GNG7: variants seen among roughly 807,000 people sequenced by gnomAD.
GNG7 encodes G protein subunit gamma 7.
In GNG7, 1 loss-of-function variant was observed where a neutral mutation model predicts 4.0. The ratio of observed to expected loss-of-function variants is 0.25; its 90% CI spans 0.09 to 1.18. The LOEUF is 1.18. GNG7 is among the 50% of genes most tolerant of loss of function. The probability of loss-of-function intolerance (pLI) is 0.50; values close to 1 mark genes in which losing one functional copy is unlikely to be tolerated. For synonymous variants in GNG7, 34 were observed against 36.9 expected, an observed-to-expected ratio of 0.92 and a Z score of 0.29; for missense variants, 86 against 91.9, an observed-to-expected ratio of 0.94 and a Z score of 0.26.
At chr19:2,526,704 G>C (rs1363750708) in intron 3 of GNG7, among the ~76,000 whole-genome samples, 1 of 148,974 alleles carries the variant, frequency 6.7e-6, no homozygotes, top group Non-Finnish European at 1.5e-5. Context: ...TAATTATATA[G>C]TTTGATTTCT....
At chr19:2,672,446 AT>A (rs200691268) in intron 1 of GNG7, among the ~76,000 whole-genome samples, 36,431 of 144,492 alleles carry the variant, frequency 0.25, 4,918 homozygotes, top group East Asian at 0.53. Context: ...GTGACGCCCG[AT>A]TTTTTTTTTT....
At position 2,525,971 on chromosome 19, in the gene GNG7, A is replaced by ATTTTT. The variant is rs35639922; in HGVS notation, c.-37-5251_-37-5247dup. On this transcript the variant is annotated intron_variant, in intron 3 of 4. Transcript: ENST00000382159. Reference sequence around the variant, plus strand: ...ATTACAGGTGCCTGCCTCCACGCCAATTTTTTTTTTTTTTTTTGAGACAGA... The same window carrying ATTTTT: ...ATTACAGGTGCCTGCCTCCACGCCAATTTTTTTTTTTTTTTTTTTTTTGAGACAGA... Among the ~76,000 whole-genome samples the ATTTTT allele has an allele frequency of 2.9e-3, 222 of 75,666 alleles. 32 individuals carry two copies. Among genetic ancestry groups the ATTTTT allele is most frequent in the Non-Finnish European group, 3.8e-3 (164 of 43,514 alleles). The allele number at this position is 75,666 out of a possible 152,430, so 49.6% of individuals were successfully genotyped here.
Position 2,512,917 on chromosome 19 carries a change from A to T in GNG7, c.*2105T>A. ...GCGTGGTGGGGACGCCCACACCCCA[A>T]ACCCTGCCGGCTCCCAGCCCAACCA... On this transcript the variant is annotated 3_prime_UTR_variant, in exon 5 of 5. Coordinates refer to ENST00000382159, the MANE Select transcript of GNG7 (RefSeq NM_052847.3). This position sits in a 1 kb window ranked among gnomAD's most constrained non-coding sequence, Gnocchi z 4.7. The T allele has an allele frequency of 1.0e-6, 1 of 985,424 alleles. No homozygotes were observed. The highest frequency in any genetic ancestry group is 1.7e-5 in the African/African-American group (1 of 57,366). The allele number at this position is 985,424 out of a possible 1,614,324, so 61.0% of individuals were successfully genotyped here. A position where few individuals can be genotyped will look rare whatever the true frequency, so the allele number is the denominator to read the frequency against.
At chr19:2,690,984 C>T (rs529667558) in intron 1 of GNG7, among the ~76,000 whole-genome samples, 12 of 152,250 alleles carry the variant, frequency 7.9e-5, no homozygotes, top group Admixed American at 2.6e-4. Flanking sequence ...CAAGAGTAAA[C>T]TCCAATAGAG....
chr19:2,532,457 T>G (rs1446437792), intron 3 of GNG7, among the ~76,000 whole-genome samples: 1 of 152,060 alleles, frequency 6.6e-6, no homozygotes, highest in Non-Finnish European at 1.5e-5. Context: ...GGAAAGAAAC[T>G]ACAGAAGAAA....
intron 1 of GNG7, among the ~76,000 whole-genome samples, chr19:2,658,277 T>C (rs1465303696): frequency 6.6e-6 from 1 of 152,178 alleles, no homozygotes; most frequent in Non-Finnish European, 1.5e-5. Context: ...GCAAATTTTT[T>C]CTGCAAAGGG....
intron 1 of GNG7, among the ~76,000 whole-genome samples, chr19:2,669,432 G>T (rs756763618): frequency 6.6e-6 from 1 of 152,210 alleles, no homozygotes; most frequent in African/African-American, 2.4e-5. Flanking sequence ...AGAGGTTGCA[G>T]TGAGCCGGGA....
rs1417644683 is a variant in GNG7, at chr19:2,557,227, A to G, written c.-77-2039T>C. Among the ~76,000 whole-genome samples, 1 of 150,706 alleles carries G rather than the reference A, an allele frequency of 6.6e-6. No individual in the cohort carries two copies. Among genetic ancestry groups the G allele is most frequent in the Non-Finnish European group, 1.5e-5 (1 of 67,924 alleles). On this transcript the variant is annotated intron_variant, in intron 2 of 4. Transcript: ENST00000382159. The surrounding 1 kb of genome is among the most constrained non-coding windows in gnomAD (Gnocchi z 5.1). ...TGCATGCACACACAGACACACATGC[A>G]CACACAGACGCACATGTGCACACAC...
chr19:2,674,819 T>C (rs368083767), intron 1 of GNG7, among the ~76,000 whole-genome samples: 4 of 152,168 alleles, frequency 2.6e-5, no homozygotes, highest in Admixed American at 2.6e-4. Flanking sequence ...GATCTCCTTA[T>C]GTGATGGTCG....
At chr19:2,571,069 T>G (rs1311874467) in intron 2 of GNG7, among the ~76,000 whole-genome samples, 1 of 152,176 alleles carries the variant, frequency 6.6e-6, no homozygotes, top group African/African-American at 2.4e-5. Context: ...CCCAAAGTGC[T>G]GAGATGATAG....
At chr19:2,693,370 C>T (rs1236415028) in intron 1 of GNG7, among the ~76,000 whole-genome samples, 1 of 143,060 alleles carries the variant, frequency 7.0e-6, no homozygotes, top group East Asian at 2.1e-4. Context: ...GAGCCAAGAT[C>T]ACACCACTGT....
At chr19:2,624,528 CAAAAAA>C (rs921061279) in intron 2 of GNG7, among the ~76,000 whole-genome samples, 11 of 62,482 alleles carry the variant, frequency 1.8e-4, no homozygotes, top group African/African-American at 2.6e-4. Flanking sequence ...GACTCCGTCT[CAAAAAA>C]AAAAAAAAAA....
At position 2,529,860 on chromosome 19, in the gene GNG7, G is replaced by A. The variant is rs965898428; in HGVS notation, c.-37-9135C>T. 8.5e-5 allele frequency among the ~76,000 whole-genome samples: 13 copies of A among 152,236 alleles called. No individual in the cohort carries two copies. In the South Asian group the frequency reaches 1.9e-3, roughly 22 times the overall value. ...GTGCCTGCCTGGAAATGGAAAATCC[G>A]GGCTCGCACTCTGGCTCTGCTCCTG... On this transcript the variant is annotated intron_variant, in intron 3 of 4. Transcript: ENST00000382159.
rs115137404 is a variant in GNG7 at position 2,531,854 on chromosome 19, C to T, written c.-37-11129G>A. Among the ~76,000 whole-genome samples the T allele has an allele frequency of 7.1e-3, 1,070 of 151,706 alleles. 23 individuals carry two copies. The highest frequency in any genetic ancestry group is 0.023 in the African/African-American group (947 of 41,340). On this transcript the variant is annotated intron_variant, in intron 3 of 4. Coordinates refer to ENST00000382159, the MANE Select transcript of GNG7 (RefSeq NM_052847.3). ...CCAGGACCACATAAACAAAAATCAG[C>T]AGAAATAACCAGCACTGCCAGGTGC...
intron 3 of GNG7, among the ~76,000 whole-genome samples, chr19:2,552,993 T>C (rs1447548466): frequency 4.0e-5 from 6 of 150,598 alleles, no homozygotes; most frequent in South Asian, 2.1e-4. Context: ...AGGAAGGAAA[T>C]TGTAAAGATC....
At chr19:2,699,161 T>C (rs1568288795) in intron 1 of GNG7, among the ~76,000 whole-genome samples, 2 of 151,150 alleles carry the variant, frequency 1.3e-5, no homozygotes, top group Admixed American at 1.3e-4. Context: ...TTTTTTTTTT[T>C]TTTTTGAGAC....
At chr19:2,540,740 G>A (rs1039782398) in intron 3 of GNG7, among the ~76,000 whole-genome samples, 1 of 152,184 alleles carries the variant, frequency 6.6e-6, no homozygotes, top group Non-Finnish European at 1.5e-5. Context: ...CCCTCCTCCC[G>A]GGGAGACCTG....
rs112817466 is a variant in GNG7 at position 2,512,592 on chromosome 19, G to A, written c.*2430C>T. 1,871 of 164,682 alleles carry A rather than the reference G, an allele frequency of 0.011. 36 individuals are homozygous for A. The highest frequency in any genetic ancestry group is 0.042 in the African/African-American group (1,760 of 41,780). The allele number at this position is 164,682 out of a possible 1,614,324, so 10.2% of individuals were successfully genotyped here. A position where few individuals can be genotyped will look rare whatever the true frequency, so the allele number is the denominator to read the frequency against. ...CCATCTGCACCAGCCTAGGAGCCCCGGCTGCCTGGGGCTGCGTCTCTGCAG... is the reference window on the plus strand; with the variant it reads ...CCATCTGCACCAGCCTAGGAGCCCCAGCTGCCTGGGGCTGCGTCTCTGCAG... On this transcript the variant is annotated 3_prime_UTR_variant, in exon 5 of 5. Coordinates refer to ENST00000382159, the MANE Select transcript of GNG7 (RefSeq NM_052847.3). The surrounding 1 kb of genome is among the most constrained non-coding windows in gnomAD (Gnocchi z 4.7).
intron 2 of GNG7, among the ~76,000 whole-genome samples, chr19:2,598,668 A>G (rs1204986235): frequency 3.1e-5 from 4 of 129,426 alleles, no homozygotes; most frequent in South Asian, 2.5e-4. Context: ...AAAAAAATGA[A>G]AAGTAATAAA....
Sources: gnomAD v4.1 joint callset for allele counts (sites outside exome capture counted in the v4.1 genomes callset) on GRCh38, gnomAD v4.1.1 for gene constraint, Gnocchi (gnomAD v3.1) non-coding constraint, MANE v1.5 for transcripts, NCBI Gene and HGNC (gene_info 2026-07-23, HGNC 2026-07-21) for gene names.